Variants in MICAL3 observed in about 807,000 individuals in gnomAD.
MICAL3 encodes the protein [F-actin]-monooxygenase MICAL3.
A neutral mutation model predicts 207.4 loss-of-function variants in MICAL3; 62 were observed. The ratio of observed to expected loss-of-function variants is 0.30; its 90% CI spans 0.24 to 0.37. MICAL3 has a LOEUF of 0.37. Among genes scored for constraint, MICAL3 ranks in the 10% least tolerant of loss-of-function variants. MICAL3 has a pLI of 1.00. For synonymous variants in MICAL3, 1,077 were observed against 1,069.3 expected (o/e 1.01, Z -0.14); for missense variants, 2,368 against 2,635.6 (o/e 0.90, Z 2.22).
chr22:17,906,973 T>G, intron 1 of MICAL3, 87 bp from the exon 2 acceptor site: 1 of 699,354 alleles, frequency 1.4e-6, no homozygotes, highest in Non-Finnish European at 2.3e-6. Context: ...AGCAGAGTTC[T>G]AAAGTGTCGC....
At chr22:17,878,353 A>G (rs1929085309) in intron 16 of MICAL3, among the ~76,000 whole-genome samples, 1 of 152,166 alleles carries the variant, frequency 6.6e-6, no homozygotes. Flanking sequence ...AAGGGTGAGC[A>G]CCGTGGGGCG....
chr22:17,829,420 C>T (rs60476220), intron 21 of MICAL3, among the ~76,000 whole-genome samples: 3,696 of 152,294 alleles, frequency 0.024, 151 homozygotes, highest in African/African-American at 0.085. Flanking sequence ...CCACACGCCT[C>T]GGCCTCCCAA....
rs540603968 is a variant in MICAL3 at position 17,793,104 on chromosome 22, C to A, written c.5651-1803G>T. Among the ~76,000 whole-genome samples the A allele has an allele frequency of 6.6e-6, 1 of 152,176 alleles. No individual in the cohort carries two copies. The highest frequency in any genetic ancestry group is 2.4e-5 in the African/African-American group (1 of 41,450). On this transcript the variant is annotated intron_variant, in intron 29 of 31. Coordinates refer to ENST00000441493, the MANE Select transcript of MICAL3 (RefSeq NM_015241.3). This position sits in a 1 kb window ranked among gnomAD's most constrained non-coding sequence, Gnocchi z 4.1. ...TAGCTATGGAGAGCTCGCCCACGGC[C>A]GCCAGGCAGGGGCTGTGGTGTGTGA...
chr22:17,850,144 T>A (rs1358022452), intron 19 of MICAL3, among the ~76,000 whole-genome samples: 1 of 152,012 alleles, frequency 6.6e-6, no homozygotes, highest in African/African-American at 2.4e-5. Flanking sequence ...TCAGAAGAAT[T>A]GGGAAATTCT....
At chr22:17,887,827 GA>G (rs1246060170) in intron 13 of MICAL3, among the ~76,000 whole-genome samples, 1 of 152,190 alleles carries the variant, frequency 6.6e-6, no homozygotes, top group African/African-American at 2.4e-5. Flanking sequence ...GAGAGGCGAT[GA>G]ACTCAGGGTT....
intron 21 of MICAL3, among the ~76,000 whole-genome samples, chr22:17,830,560 G>A (rs1922695149): frequency 6.6e-6 from 1 of 152,208 alleles, no homozygotes; most frequent in Non-Finnish European, 1.5e-5. Context: ...ACAAAACACC[G>A]TGCCCTGGAC....
chr22:17,880,310 A>G (rs529953619), intron 16 of MICAL3, among the ~76,000 whole-genome samples: 1 of 152,302 alleles, frequency 6.6e-6, no homozygotes, highest in South Asian at 2.1e-4. Context: ...CACCTGCCTC[A>G]CAGGGTTACT....
At chr22:17,892,498 T>C (rs1049255315) in intron 11 of MICAL3, among the ~76,000 whole-genome samples, 4 of 152,174 alleles carry the variant, frequency 2.6e-5, no homozygotes, top group African/African-American at 9.7e-5. Context: ...ATCATGAAAA[T>C]CCTGTTTCAT....
Position 17,853,169 on chromosome 22 carries a change from T to A in MICAL3, c.2606-11152A>T, listed in dbSNP as rs538841004. On this transcript the variant is annotated intron_variant, in intron 19 of 31. Transcript: ENST00000441493. The stretch of plus-strand genomic sequence containing the variant: ...ATAGTGAAGAGCCCCTAGGGTGTCA[T>A]AGAATCAGTAGGTGACTTCACATCC... 1.1e-4 allele frequency among the ~76,000 whole-genome samples: 17 copies of A among 152,170 alleles called. No individual in the cohort carries two copies. In the East Asian group the frequency reaches 2.7e-3, roughly 24 times the overall value.
intron 1 of MICAL3, among the ~76,000 whole-genome samples, chr22:17,989,411 C>G (rs1047508988): frequency 2.6e-5 from 4 of 152,166 alleles, no homozygotes; most frequent in African/African-American, 9.7e-5. Context: ...GTCTTGCCAG[C>G]TGCAGCAAGA....
At chr22:17,817,224 G>A (rs774818416) in intron 26 of MICAL3, 87 bp downstream of exon 26, 1 of 1,432,072 alleles carries the variant, frequency 7.0e-7, no homozygotes, top group Non-Finnish European at 9.3e-7. Context: ...GGGAGCGTGT[G>A]AGTGTGGATC....
At chr22:18,000,455 G>A (rs557611510) in intron 1 of MICAL3, among the ~76,000 whole-genome samples, 3 of 152,358 alleles carry the variant, frequency 2.0e-5, no homozygotes, top group Admixed American at 2.0e-4. Flanking sequence ...TTAACGGGAT[G>A]CGGCACAGAG....
At chr22:17,982,038 G>A (rs1230397076) in intron 1 of MICAL3, among the ~76,000 whole-genome samples, 3 of 152,018 alleles carry the variant, frequency 2.0e-5, no homozygotes, top group Admixed American at 6.6e-5. Context: ...CTGGGAAGTC[G>A]AGGTTACAGT....
Position 17,924,800 on chromosome 22 carries a change from G to T in MICAL3, c.-74-17914C>A, listed in dbSNP as rs187504117. ...TCAAGCCACAGTGTGAGAACAGCAG[G>T]TATTTCATAAACATTGCTGCAGGAT... On this transcript the variant is annotated intron_variant, in intron 1 of 31. Coordinates refer to ENST00000441493, the MANE Select transcript of MICAL3 (RefSeq NM_015241.3). Among the ~76,000 whole-genome samples, 29 of 152,286 alleles carry T rather than the reference G, an allele frequency of 1.9e-4. No individual in the cohort carries two copies. In the East Asian group the frequency reaches 5.6e-3, roughly 29 times the overall value.
At chr22:17,905,535 C>T (rs140022544) in intron 2 of MICAL3, among the ~76,000 whole-genome samples, 1 of 152,302 alleles carries the variant, frequency 6.6e-6, no homozygotes, top group East Asian at 1.9e-4. Context: ...GAGTCCAGTA[C>T]TCACTCATGA....
chr22:17,855,534 C>T (rs974416331), intron 19 of MICAL3, among the ~76,000 whole-genome samples: 5 of 152,244 alleles, frequency 3.3e-5, no homozygotes, highest in South Asian at 2.1e-4. Context: ...GCAGGGCGGA[C>T]GGATGGAGGA....
At chr22:18,009,372 C>T (rs1376518037) in intron 1 of MICAL3, among the ~76,000 whole-genome samples, 1 of 100,286 alleles carries the variant, frequency 1.0e-5, no homozygotes, top group Non-Finnish European at 1.9e-5. Context: ...TTAAAATACA[C>T]ACACACACAC....
chr22:17,928,018 G>A (rs1405160711), intron 1 of MICAL3, among the ~76,000 whole-genome samples: 1 of 152,174 alleles, frequency 6.6e-6, no homozygotes, highest in Admixed American at 6.5e-5. Context: ...TATACTCTGA[G>A]CACTCGAGAT....
chr22:17,821,687 C>T (rs764621815), intron 24 of MICAL3, among the ~76,000 whole-genome samples, 178 bp from the exon 25 acceptor site: 2 of 152,228 alleles, frequency 1.3e-5, no homozygotes, highest in Non-Finnish European at 2.9e-5. Context: ...GAACCGTCTT[C>T]CCGGGGCTGC....
Sources: gnomAD v4.1 joint callset for allele counts (sites outside exome capture counted in the v4.1 genomes callset) on GRCh38, gnomAD v4.1.1 for gene constraint, Gnocchi (gnomAD v3.1) non-coding constraint, MANE v1.5 for transcripts, NCBI Gene and HGNC (gene_info 2026-07-23, HGNC 2026-07-21) for gene names.